CAMTA1: variants seen among roughly 807,000 people sequenced by gnomAD.
CAMTA1 encodes calmodulin-binding transcription activator 1.
Under a neutral mutation model 170.9 loss-of-function variants are expected in CAMTA1, and 27 were observed. That is an observed-to-expected ratio of 0.16 (90% CI 0.12 to 0.22). The LOEUF (loss-of-function observed/expected upper bound fraction) is 0.22, where lower values mean the gene tolerates loss of function less well. Among genes scored for constraint, CAMTA1 ranks in the 10% least tolerant of loss-of-function variants. The pLI, the probability that CAMTA1 is intolerant of heterozygous loss-of-function variation, is 1.00. For missense variants in CAMTA1, 1,619 were observed against 2,217.2 expected (o/e 0.73, Z 5.42); for synonymous variants, 833 against 891.5 (o/e 0.93, Z 1.17).
At chr1:7,022,115 G>C (rs1701438123) in intron 3 of CAMTA1, among the ~76,000 whole-genome samples, 1 of 152,216 alleles carries the variant, frequency 6.6e-6, no homozygotes. Flanking sequence ...ATGCACCTGG[G>C]AGTGGCTGGC....
chr1:6,832,079 A>G (rs1650482349), intron 3 of CAMTA1, among the ~76,000 whole-genome samples: 1 of 150,136 alleles, frequency 6.7e-6, no homozygotes, highest in East Asian at 1.9e-4. Context: ...AAGCCACCTT[A>G]TTTTTTTTTA....
At chr1:7,295,059 T>C (rs912526626) in intron 5 of CAMTA1, among the ~76,000 whole-genome samples, 6 of 152,234 alleles carry the variant, frequency 3.9e-5, no homozygotes, top group Admixed American at 2.6e-4. Context: ...TCAAGCACAC[T>C]GGCTTGAAGT....
At chr1:7,497,971 CGAG>C (rs1200862657) in intron 6 of CAMTA1, among the ~76,000 whole-genome samples, 1 of 152,122 alleles carries the variant, frequency 6.6e-6, no homozygotes, top group Non-Finnish European at 1.5e-5. Context: ...GGGCCTCACT[CGAG>C]GCCCTCAGTG....
At chr1:7,594,941 T>C (rs1576299766) in intron 6 of CAMTA1, among the ~76,000 whole-genome samples, 1 of 152,234 alleles carries the variant, frequency 6.6e-6, no homozygotes, top group South Asian at 2.1e-4. Context: ...ATTGGTGAAG[T>C]TGGAATGTGA....
At chr1:7,483,731 C>G (rs2093574232) in intron 6 of CAMTA1, among the ~76,000 whole-genome samples, 1 of 152,138 alleles carries the variant, frequency 6.6e-6, no homozygotes, top group South Asian at 2.1e-4. Context: ...CTCGTCCCAC[C>G]CTGGGGAGGG....
At chr1:7,223,173 A>G (rs1362629079) in intron 4 of CAMTA1, among the ~76,000 whole-genome samples, 2 of 16,212 alleles carry the variant, frequency 1.2e-4, no homozygotes, top group South Asian at 2.5e-3. Context: ...CCACCCACCC[A>G]TCCAACCATT....
At chr1:6,845,496 CTG>C (rs1657724237) in intron 3 of CAMTA1, among the ~76,000 whole-genome samples, 1 of 152,210 alleles carries the variant, frequency 6.6e-6, no homozygotes, top group African/African-American at 2.4e-5. Context: ...TTGCACAACT[CTG>C]TGCATATATT....
At position 7,438,901 on chromosome 1, in the gene CAMTA1, TAGTG is replaced by T. The variant is rs528440246; in HGVS notation, c.439-28926_439-28923del. On this transcript the variant is annotated intron_variant, in intron 5 of 22. Coordinates refer to ENST00000303635, the MANE Select transcript of CAMTA1 (RefSeq NM_015215.4). ...AAACCCAGTGTCCACCTCCATATCA[TAGTG>T]AGACAGTGAGGATGGAATGACCATC... Among the ~76,000 whole-genome samples the T allele has an allele frequency of 1.0e-3, 157 of 152,254 alleles. 1 individual carries two copies. The highest frequency in any genetic ancestry group is 3.7e-3 in the African/African-American group (153 of 41,540).
chr1:7,649,650 C>T (rs1220979159), intron 7 of CAMTA1, among the ~76,000 whole-genome samples: 1 of 152,210 alleles, frequency 6.6e-6, no homozygotes, highest in African/African-American at 2.4e-5. Context: ...TTTATGGAGC[C>T]GATCCGGCCC....
intron 3 of CAMTA1, among the ~76,000 whole-genome samples, chr1:6,899,348 C>T (rs1676352586): frequency 2.0e-5 from 3 of 152,132 alleles, no homozygotes; most frequent in Admixed American, 6.5e-5. Flanking sequence ...GTTTTGTTGC[C>T]GTGGTTTGAA....
At chr1:7,310,596 TTTC>T (rs1676312442) in intron 5 of CAMTA1, among the ~76,000 whole-genome samples, 1 of 74,924 alleles carries the variant, frequency 1.3e-5, no homozygotes, top group Non-Finnish European at 2.4e-5. Flanking sequence ...TTTCTTTTCT[TTTC>T]TTTTCTTTCT....
At chr1:7,069,008 A>G (rs1172886220) in intron 3 of CAMTA1, among the ~76,000 whole-genome samples, 2 of 152,328 alleles carry the variant, frequency 1.3e-5, no homozygotes, top group East Asian at 3.9e-4. Flanking sequence ...AGCTGGACGC[A>G]GGCCTGGCCT....
In CAMTA1 at chr1:7,738,679, G is replaced by T. The variant is rs865925261; in HGVS notation, c.4182+197G>T. 3.3e-5 allele frequency among the ~76,000 whole-genome samples: 5 copies of T among 152,126 alleles called. No individual in the cohort carries two copies. The South Asian group carries it at 8.3e-4, about 25-fold the overall frequency. On this transcript the variant is annotated intron_variant, in intron 16 of 22. Coordinates refer to ENST00000303635, the MANE Select transcript of CAMTA1 (RefSeq NM_015215.4). The surrounding 1 kb of genome is among the most constrained non-coding windows in gnomAD (Gnocchi z 4.9). ...CGGTGAATCGGGCACCGGGAGTAGGGCCTGAATACCAGTGACCCCGGTCTC... is the reference window on the plus strand; with the variant it reads ...CGGTGAATCGGGCACCGGGAGTAGGTCCTGAATACCAGTGACCCCGGTCTC...
chr1:7,308,302 A>G (rs1675905882), intron 5 of CAMTA1, among the ~76,000 whole-genome samples: 2 of 151,970 alleles, frequency 1.3e-5, no homozygotes, highest in African/African-American at 2.4e-5. Flanking sequence ...TCAGCAAACT[A>G]GCTTTTGCTT....
rs903063931 is a variant in CAMTA1 at position 7,041,305 on chromosome 1, G to A, written c.235-49999G>A. On this transcript the variant is annotated intron_variant, in intron 3 of 22. Coordinates refer to ENST00000303635, the MANE Select transcript of CAMTA1 (RefSeq NM_015215.4). This position sits in a 1 kb window ranked among gnomAD's most constrained non-coding sequence, Gnocchi z 5.1. ...TCAGAGCCAGTCCAGTCAGACCTGC[G>A]AGGCCTGGGCTGTGGCTGCTGTGGC... Among the ~76,000 whole-genome samples, 4 of 152,230 alleles carry A rather than the reference G, an allele frequency of 2.6e-5. No individual in the cohort carries two copies. The highest frequency in any genetic ancestry group is 2.1e-4 in the South Asian group (1 of 4,838).
At position 7,251,829 on chromosome 1, in the gene CAMTA1, G is replaced by A. The variant is rs548427664; in HGVS notation, c.438+2203G>A. The stretch of plus-strand genomic sequence containing the variant: ...TCCTAGGTCAGATGGGATACAAGCT[G>A]AGCCCTTAAAGTCGGGTGGGACTCT... On this transcript the variant is annotated intron_variant, in intron 5 of 22. Transcript: ENST00000303635. This position sits in a 1 kb window ranked among gnomAD's most constrained non-coding sequence, Gnocchi z 5.1. Among the ~76,000 whole-genome samples the A allele has an allele frequency of 3.9e-5, 6 of 152,284 alleles. No homozygotes were observed. The South Asian group carries it at 1.2e-3, about 32-fold the overall frequency.
intron 11 of CAMTA1, among the ~76,000 whole-genome samples, chr1:7,728,793 A>G (rs977402058): frequency 6.6e-6 from 1 of 152,208 alleles, no homozygotes; most frequent in African/African-American, 2.4e-5. Flanking sequence ...AAGATTTCAG[A>G]TTTCTAACAA....
At chr1:7,019,610 T>C (rs561632040) in intron 3 of CAMTA1, among the ~76,000 whole-genome samples, 1 of 152,316 alleles carries the variant, frequency 6.6e-6, no homozygotes, top group South Asian at 2.1e-4. Flanking sequence ...TTAGAATCGT[T>C]AGAGGACAGG....
chr1:7,601,240 C>T (rs550559765), intron 6 of CAMTA1, among the ~76,000 whole-genome samples: 24 of 151,676 alleles, frequency 1.6e-4, no homozygotes, highest in Admixed American at 1.2e-3. Context: ...GGCTGCCGGG[C>T]GGAGGGGCTC....
Sources: gnomAD v4.1 joint callset for allele counts (sites outside exome capture counted in the v4.1 genomes callset) on GRCh38, gnomAD v4.1.1 for gene constraint, Gnocchi (gnomAD v3.1) non-coding constraint, MANE v1.5 for transcripts, NCBI Gene and HGNC (gene_info 2026-07-23, HGNC 2026-07-21) for gene names.